Variants in C12orf42 observed in about 807,000 individuals in gnomAD.
The protein encoded by C12orf42 is uncharacterized protein C12orf42.
Under a neutral mutation model 21.6 loss-of-function variants are expected in C12orf42, and 25 were observed. The ratio of observed to expected loss-of-function variants is 1.16; its 90% confidence interval spans 0.84 to 1.62. C12orf42 has a LOEUF of 1.62. C12orf42 is among the 40% of genes most tolerant of loss of function. The pLI, the probability that C12orf42 is intolerant of heterozygous loss-of-function variation, is 0.00. For missense variants in C12orf42, 483 were observed against 459.3 expected (o/e 1.05, Z -0.47); for synonymous variants, 174 against 175.0 (o/e 0.99, Z 0.05).
At chr12:103,224,888 AGTT>A in the C12orf42 span, among the ~76,000 whole-genome samples, 1 of 152,102 alleles carries the variant, frequency 6.6e-6, no homozygotes, top group East Asian at 1.9e-4. Flanking sequence ...GAAGGAAATG[AGTT>A]GTTGTTTTGT....
chr12:103,326,301 C>T (rs2040692533), intron 4 of C12orf42, among the ~76,000 whole-genome samples: 1 of 152,092 alleles, frequency 6.6e-6, no homozygotes, highest in African/African-American at 2.4e-5. Context: ...AAGATAAAAG[C>T]CAGGACTTCT....
At chr12:103,507,339 G>A in the C12orf42 span, among the ~76,000 whole-genome samples, 1 of 124,246 alleles carries the variant, frequency 8.0e-6, no homozygotes, top group African/African-American at 3.2e-5. Flanking sequence ...TGCTGTACCA[G>A]GGTATGTACC....
At chr12:103,281,894 AAAGAAAGAAAAG>A (rs1445795104) in intron 4 of C12orf42, among the ~76,000 whole-genome samples, 6 of 146,324 alleles carry the variant, frequency 4.1e-5, no homozygotes, top group African/African-American at 1.3e-4. Flanking sequence ...AAAGAAAAAG[AAAGAAAGAAAAG>A]AAGAAAGAAA....
intron 4 of C12orf42, 117 bp downstream of exon 4, chr12:103,368,770 G>T: frequency 1.8e-6 from 1 of 565,230 alleles, no homozygotes; most frequent in Non-Finnish European, 3.1e-6. Context: ...CTCTTTTGTT[G>T]CCATTTTGAA....
chr12:103,433,159 C>A (rs955241687), intron 2 of C12orf42, among the ~76,000 whole-genome samples: 6 of 152,308 alleles, frequency 3.9e-5, no homozygotes, highest in Non-Finnish European at 8.8e-5. Context: ...GCACCTAGCA[C>A]AATTCCTGGC....
chr12:103,405,975 A>G lies in C12orf42; in HGVS notation c.79-4300T>C, dbSNP rs192060878. On this transcript the variant is annotated intron_variant, in intron 2 of 5. Coordinates refer to ENST00000548883, the MANE Select transcript of C12orf42 (RefSeq NM_198521.5). ...GTTCTAATCTAATGTGGATTGTTTCATTTGTGGTTAACTTGGTTAGAAAAT... is the reference window on the plus strand; with the variant it reads ...GTTCTAATCTAATGTGGATTGTTTCGTTTGTGGTTAACTTGGTTAGAAAAT... Among the ~76,000 whole-genome samples, 452 of 152,176 alleles carry G rather than the reference A, an allele frequency of 3.0e-3. 5 individuals are homozygous for G. The highest frequency in any genetic ancestry group is 1.0e-2 in the African/African-American group (415 of 41,502).
intron 1 of C12orf42, among the ~76,000 whole-genome samples, chr12:103,479,741 A>T (rs774945388): frequency 2.6e-5 from 4 of 152,050 alleles, no homozygotes; most frequent in Non-Finnish European, 5.9e-5. Context: ...ATGCTACATT[A>T]ACAAAATTTC....
intron 3 of C12orf42, among the ~76,000 whole-genome samples, chr12:103,383,248 C>A (rs915789865): frequency 6.6e-6 from 1 of 151,854 alleles, no homozygotes; most frequent in Non-Finnish European, 1.5e-5. Flanking sequence ...ATTACAGGTG[C>A]CTGCCACCAT....
chr12:103,081,002 G>C, the C12orf42 span: 3 of 152,122 alleles, frequency 2.0e-5, no homozygotes, highest in Non-Finnish European at 4.4e-5. Flanking sequence ...GCTATGTTTT[G>C]CCTCTACATG....
the C12orf42 span, among the ~76,000 whole-genome samples, chr12:103,080,561 A>C: frequency 6.6e-6 from 1 of 152,218 alleles, no homozygotes; most frequent in East Asian, 1.9e-4. Flanking sequence ...AAATGGAAGA[A>C]TATAATTCTT....
the C12orf42 span, among the ~76,000 whole-genome samples, chr12:103,056,040 C>A: frequency 1.3e-5 from 2 of 151,940 alleles, no homozygotes; most frequent in African/African-American, 4.8e-5. Flanking sequence ...CTATACATAG[C>A]GATTAGATTT....
At chr12:103,557,896 T>A in the C12orf42 span, 1 of 152,242 alleles carries the variant, frequency 6.6e-6, no homozygotes, top group Non-Finnish European at 1.5e-5. Flanking sequence ...CATTCTGAAC[T>A]GTCTGCCAAT....
chr12:103,421,052 T>G lies in C12orf42; in HGVS notation c.79-19377A>C, dbSNP rs147855379. On this transcript the variant is annotated intron_variant, in intron 2 of 5. Coordinates refer to ENST00000548883, the MANE Select transcript of C12orf42 (RefSeq NM_198521.5). ...CAAAAATACCTTTAAGTAATCACAGTGCACCAATATGAGAAGATTGTGTGG... is the reference window on the plus strand; with the variant it reads ...CAAAAATACCTTTAAGTAATCACAGGGCACCAATATGAGAAGATTGTGTGG... 2.6e-5 allele frequency among the ~76,000 whole-genome samples: 4 copies of G among 152,260 alleles called. No homozygotes were observed. The East Asian group carries it at 5.8e-4, about 22-fold the overall frequency.
intron 1 of C12orf42, among the ~76,000 whole-genome samples, chr12:103,483,641 G>GT (rs1291566318): frequency 6.6e-6 from 1 of 151,562 alleles, no homozygotes; most frequent in Non-Finnish European, 1.5e-5. Context: ...TCAGGTTTAT[G>GT]TTTTTTTTAT....
chr12:103,210,638 TC>T, the C12orf42 span, among the ~76,000 whole-genome samples: 1 of 145,932 alleles, frequency 6.9e-6, no homozygotes, highest in African/African-American at 2.5e-5. Flanking sequence ...ACCCTCTATT[TC>T]TTTTTTTTTT....
At chr12:103,322,893 A>T (rs138967541) in intron 4 of C12orf42, among the ~76,000 whole-genome samples, 1 of 152,210 alleles carries the variant, frequency 6.6e-6, no homozygotes, top group Non-Finnish European at 1.5e-5. Context: ...TAGTGAATTC[A>T]AAAAACAAAA....
At chr12:103,539,296 T>A in the C12orf42 span, among the ~76,000 whole-genome samples, 1 of 151,898 alleles carries the variant, frequency 6.6e-6, no homozygotes, top group East Asian at 1.9e-4. Context: ...TGTGTGTATG[T>A]GTGTGTGTGT....
At chr12:103,193,292 ACT>A in the C12orf42 span, among the ~76,000 whole-genome samples, 3 of 151,692 alleles carry the variant, frequency 2.0e-5, no homozygotes, top group Non-Finnish European at 4.4e-5. Context: ...AAAGAGAGAA[ACT>A]CTGAAATATT....
the C12orf42 span, among the ~76,000 whole-genome samples, chr12:103,545,593 T>C: frequency 6.6e-6 from 1 of 152,220 alleles, no homozygotes; most frequent in Non-Finnish European, 1.5e-5. Flanking sequence ...TAAACGTTAA[T>C]AAGTCTATGG....
Sources: gnomAD v4.1 joint callset for allele counts (sites outside exome capture counted in the v4.1 genomes callset) on GRCh38, gnomAD v4.1.1 for gene constraint, MANE v1.5 for transcripts, NCBI Gene and HGNC (gene_info 2026-07-23, HGNC 2026-07-21) for gene names.